Variants in CSMD3 observed in about 807,000 individuals in gnomAD.
The protein encoded by CSMD3 is CUB and Sushi multiple domains 3.
In CSMD3, 177 loss-of-function variants were observed where a neutral mutation model predicts 435.2. The observed-to-expected ratio is 0.41, with a 90% CI of 0.36 to 0.46. The LOEUF (loss-of-function observed/expected upper bound fraction) is 0.46. Ranked by LOEUF, CSMD3 falls within the 20% of genes least tolerant of loss-of-function variation. The pLI is 0.34. For missense variants in CSMD3, 4,265 were observed against 4,504.6 expected, an observed-to-expected ratio of 0.95 and a Z score of 1.52; for synonymous variants, 1,656 against 1,520.5, an observed-to-expected ratio of 1.09 and a Z score of -2.07.
At chr8:112,399,272 T>TA (rs386413699) in intron 35 of CSMD3, among the ~76,000 whole-genome samples, 2 of 151,472 alleles carry the variant, frequency 1.3e-5, no homozygotes, top group African/African-American at 4.9e-5. Flanking sequence ...CAAATTTTTT[T>TA]TTTTTTTAGA....
intron 4 of CSMD3, among the ~76,000 whole-genome samples, chr8:113,144,905 T>G (rs973656917): frequency 1.3e-5 from 2 of 151,418 alleles, no homozygotes; most frequent in Non-Finnish European, 3.0e-5. Context: ...ATAAAGATTG[T>G]GAGAAACAAT....
chr8:112,556,644 A>C, intron 25 of CSMD3, 119 bp downstream of exon 25: 3 of 746,022 alleles, frequency 4.0e-6, no homozygotes, highest in Non-Finnish European at 6.7e-6. Flanking sequence ...CTATGAGTTC[A>C]TTAATTTCTC....
chr8:112,717,029 A>G (rs551906492), intron 13 of CSMD3, among the ~76,000 whole-genome samples: 2 of 152,316 alleles, frequency 1.3e-5, no homozygotes, highest in East Asian at 3.9e-4. Flanking sequence ...CATGATGAAA[A>G]TACCAAAAGC....
chr8:112,408,837 T>G (rs1343004244), intron 33 of CSMD3, 82 bp downstream of exon 33: 1 of 1,607,124 alleles, frequency 6.2e-7, no homozygotes, highest in Non-Finnish European at 8.5e-7. Context: ...ATTGATGATA[T>G]AAATCTCAAC....
At chr8:113,114,451 T>G (rs984090394) in intron 4 of CSMD3, among the ~76,000 whole-genome samples, 1 of 152,154 alleles carries the variant, frequency 6.6e-6, no homozygotes, top group African/African-American at 2.4e-5. Flanking sequence ...CTATTGAGAA[T>G]AGTATGTGTT....
At chr8:112,529,655 G>A (rs1825331467) in intron 27 of CSMD3, among the ~76,000 whole-genome samples, 1 of 152,022 alleles carries the variant, frequency 6.6e-6, no homozygotes. Context: ...TGTTGGTAGA[G>A]ACTCTAGAAT....
At chr8:112,814,363 A>C in intron 12 of CSMD3, among the ~76,000 whole-genome samples, 1 of 152,144 alleles carries the variant, frequency 6.6e-6, no homozygotes, top group African/African-American at 2.4e-5. Flanking sequence ...CTCTCTTATA[A>C]TGTTTAATAA....
chr8:112,673,013 T>A (rs368606275), intron 16 of CSMD3, among the ~76,000 whole-genome samples: 27 of 152,234 alleles, frequency 1.8e-4, no homozygotes, highest in African/African-American at 6.5e-4. Flanking sequence ...GACCATGGGC[T>A]AAGCTAGGTT....
chr8:112,382,802 C>T (rs935434290), intron 37 of CSMD3, among the ~76,000 whole-genome samples: 1 of 152,064 alleles, frequency 6.6e-6, no homozygotes, highest in African/African-American at 2.4e-5. Context: ...CCCGCCTCGC[C>T]AACATAGCGA....
intron 49 of CSMD3, 45 bp from the exon 50 acceptor site, chr8:112,311,211 A>T (rs756561525): frequency 6.6e-7 from 1 of 1,507,432 alleles, no homozygotes. Context: ...ATGAATCAGA[A>T]GTTATTACCC....
intron 53 of CSMD3, among the ~76,000 whole-genome samples, 188 bp downstream of exon 53, chr8:112,301,605 T>G (rs1820926163): frequency 6.6e-6 from 1 of 152,168 alleles, no homozygotes; most frequent in Non-Finnish European, 1.5e-5. Flanking sequence ...TCACTAGGAA[T>G]GCTATTTGAT....
chr8:112,493,251 G>A (rs1820884272), intron 30 of CSMD3, among the ~76,000 whole-genome samples: 1 of 151,810 alleles, frequency 6.6e-6, no homozygotes, highest in South Asian at 2.1e-4. Context: ...TCAAACATAG[G>A]GTTTTAGAAT....
chr8:112,571,726 A>G (rs1009096453), intron 24 of CSMD3, among the ~76,000 whole-genome samples: 1 of 151,650 alleles, frequency 6.6e-6, no homozygotes, highest in East Asian at 2.0e-4. Flanking sequence ...AAAATTAGCC[A>G]GGCATGGTGG....
intron 12 of CSMD3, among the ~76,000 whole-genome samples, chr8:112,804,752 A>C (rs1587347573): frequency 6.6e-6 from 1 of 151,380 alleles, no homozygotes; most frequent in African/African-American, 2.4e-5. Context: ...GCAACCTCCA[A>C]CTCCCGGGTT....
At chr8:113,230,912 CA>C in intron 3 of CSMD3, among the ~76,000 whole-genome samples, 1 of 151,334 alleles carries the variant, frequency 6.6e-6, no homozygotes, top group Non-Finnish European at 1.5e-5. Flanking sequence ...CAAATATGCC[CA>C]TCACACTTGC....
chr8:112,813,955 C>T (rs1238827442), intron 12 of CSMD3, among the ~76,000 whole-genome samples: 4 of 152,230 alleles, frequency 2.6e-5, no homozygotes, highest in African/African-American at 9.6e-5. Context: ...AGGCTTCGCC[C>T]CGTCCTCCCA....
intron 22 of CSMD3, among the ~76,000 whole-genome samples, chr8:112,603,207 A>T (rs1280382836): frequency 6.6e-6 from 1 of 152,180 alleles, no homozygotes; most frequent in Non-Finnish European, 1.5e-5. Context: ...TAATGTAGTG[A>T]CATTTTTCTG....
At chr8:112,365,461 A>G (rs1436850205) in intron 38 of CSMD3, among the ~76,000 whole-genome samples, 1 of 140,742 alleles carries the variant, frequency 7.1e-6, no homozygotes. Flanking sequence ...AATTACGCAT[A>G]GATTTCCTTT....
chr8:112,228,207 T>C (rs1812759146), intron 70 of CSMD3, among the ~76,000 whole-genome samples: 2 of 152,314 alleles, frequency 1.3e-5, no homozygotes, highest in South Asian at 2.1e-4. Flanking sequence ...CAGGATCTAC[T>C]AATAATATGT....
Sources: gnomAD v4.1 joint callset for allele counts (sites outside exome capture counted in the v4.1 genomes callset) on GRCh38, gnomAD v4.1.1 for gene constraint, MANE v1.5 for transcripts, NCBI Gene and HGNC (gene_info 2026-07-23, HGNC 2026-07-21) for gene names.